The following KHDRBS2 variants were observed in gnomAD, a reference collection of about 807,000 sequenced individuals.
KHDRBS2 encodes KH RNA binding domain containing, signal transduction associated 2, also known as KH domain-containing, RNA-binding, signal transduction-associated protein 2.
A neutral mutation model predicts 44.3 loss-of-function variants in KHDRBS2; 26 were observed. That is an observed-to-expected ratio of 0.59 (90% CI 0.43 to 0.81). The LOEUF is 0.81. KHDRBS2 is among the 40% of genes least tolerant of loss of function. KHDRBS2 has a pLI of 0.00. For synonymous variants in KHDRBS2, 194 were observed against 151.1 expected (o/e 1.28, Z -2.08); for missense variants, 476 against 433.1 (o/e 1.10, Z -0.88).
chr6:61,633,413 CCA>C, the KHDRBS2 span, among the ~76,000 whole-genome samples: 1 of 151,972 alleles, frequency 6.6e-6, no homozygotes, highest in Non-Finnish European at 1.5e-5. Context: ...TTTACAGATG[CCA>C]CATGTTCACA....
At chr6:61,836,727 T>C (rs528860851) in intron 6 of KHDRBS2, among the ~76,000 whole-genome samples, 11 of 151,974 alleles carry the variant, frequency 7.2e-5, no homozygotes, top group African/African-American at 2.7e-4. Flanking sequence ...ACCATGGCTG[T>C]ACTTAGTGTT....
intron 1 of KHDRBS2, among the ~76,000 whole-genome samples, chr6:62,188,295 C>G (rs1823865676): frequency 6.6e-6 from 1 of 152,096 alleles, no homozygotes; most frequent in Non-Finnish European, 1.5e-5. Flanking sequence ...ATCCATTGAG[C>G]AACAATTCCT....
chr6:61,572,892 C>T, the KHDRBS2 span, among the ~76,000 whole-genome samples: 3 of 152,202 alleles, frequency 2.0e-5, no homozygotes, highest in East Asian at 5.8e-4. Context: ...GAAAGCATTC[C>T]CCTTGAAAAC....
chr6:61,827,171 A>G (rs1342503884), intron 6 of KHDRBS2, among the ~76,000 whole-genome samples: 1 of 152,202 alleles, frequency 6.6e-6, no homozygotes. Context: ...AATAAACATC[A>G]TTAGGTCATT....
At chr6:61,701,139 GGGCCTGGATATA>G (rs1459987101) in intron 7 of KHDRBS2, among the ~76,000 whole-genome samples, 1 of 151,884 alleles carries the variant, frequency 6.6e-6, no homozygotes, top group Non-Finnish European at 1.5e-5. Context: ...AGCAGGCTAT[GGGCCTGGATATA>G]CTTTGCTCGA....
At chr6:62,026,941 G>T (rs1783456396) in intron 3 of KHDRBS2, among the ~76,000 whole-genome samples, 1 of 150,982 alleles carries the variant, frequency 6.6e-6, no homozygotes, top group African/African-American at 2.4e-5. Flanking sequence ...TGAATACTTT[G>T]GATGTAGTTT....
At chr6:62,187,616 C>G (rs1349874619) in intron 1 of KHDRBS2, among the ~76,000 whole-genome samples, 1 of 152,086 alleles carries the variant, frequency 6.6e-6, no homozygotes, top group African/African-American at 2.4e-5. Context: ...GACTCCATCA[C>G]TGCAATTAGT....
intron 1 of KHDRBS2, among the ~76,000 whole-genome samples, chr6:62,207,260 A>T (rs1320309825): frequency 2.6e-5 from 4 of 152,120 alleles, no homozygotes; most frequent in African/African-American, 9.6e-5. Context: ...AGAAAATCAC[A>T]TATGTACATA....
chr6:61,740,590 C>T (rs1776000397), intron 6 of KHDRBS2, among the ~76,000 whole-genome samples: 1 of 151,864 alleles, frequency 6.6e-6, no homozygotes, highest in African/African-American at 2.4e-5. Context: ...ATCATAGTTA[C>T]TGTAAAGTCC....
intron 1 of KHDRBS2, among the ~76,000 whole-genome samples, chr6:62,251,948 C>T (rs1387836356): frequency 6.6e-6 from 1 of 151,726 alleles, no homozygotes; most frequent in East Asian, 1.9e-4. Flanking sequence ...TTTAAAAATA[C>T]AATTCCACAA....
At chr6:62,062,309 A>G (rs1185234443) in intron 2 of KHDRBS2, among the ~76,000 whole-genome samples, 1 of 144,462 alleles carries the variant, frequency 6.9e-6, no homozygotes, top group Non-Finnish European at 1.5e-5. Flanking sequence ...TTCCACCCCA[A>G]ATCAACAGAA....
At chr6:62,175,484 T>C (rs1820906254) in intron 2 of KHDRBS2, among the ~76,000 whole-genome samples, 1 of 151,590 alleles carries the variant, frequency 6.6e-6, no homozygotes, top group African/African-American at 2.4e-5. Context: ...TTATAGTAAC[T>C]GCACTAAAGA....
intron 3 of KHDRBS2, among the ~76,000 whole-genome samples, chr6:62,021,903 T>A (rs902547074): frequency 2.1e-5 from 3 of 143,586 alleles, no homozygotes; most frequent in Admixed American, 1.4e-4. Context: ...TAAATATGCT[T>A]TGTGAAAAAA....
At chr6:62,135,670 T>G (rs1351483768) in intron 2 of KHDRBS2, among the ~76,000 whole-genome samples, 1 of 152,002 alleles carries the variant, frequency 6.6e-6, no homozygotes, top group East Asian at 1.9e-4. Context: ...TAGTGACATA[T>G]ATAAATATAT....
At chr6:61,960,789 A>G (rs1265683497) in intron 4 of KHDRBS2, among the ~76,000 whole-genome samples, 1 of 152,278 alleles carries the variant, frequency 6.6e-6, no homozygotes, top group African/African-American at 2.4e-5. Context: ...ACAAATTTTA[A>G]GATTAAAGGC....
chr6:61,800,825 T>G (rs1424582926), intron 6 of KHDRBS2, among the ~76,000 whole-genome samples: 1 of 152,154 alleles, frequency 6.6e-6, no homozygotes, highest in East Asian at 1.9e-4. Context: ...GACAACATCT[T>G]GTTCTTGTCA....
At chr6:62,202,182 T>C (rs1248567691) in intron 1 of KHDRBS2, among the ~76,000 whole-genome samples, 1 of 152,068 alleles carries the variant, frequency 6.6e-6, no homozygotes, top group Non-Finnish European at 1.5e-5. Context: ...TTAAAACACG[T>C]TATACCATTC....
intron 4 of KHDRBS2, among the ~76,000 whole-genome samples, chr6:61,974,809 T>C (rs1772180508): frequency 6.6e-6 from 1 of 151,906 alleles, no homozygotes; most frequent in Non-Finnish European, 1.5e-5. Flanking sequence ...CATGTGCCTG[T>C]AATCTCAGCT....
At chr6:61,602,056 C>A in the KHDRBS2 span, among the ~76,000 whole-genome samples, 458 of 152,236 alleles carry the variant, frequency 3.0e-3, 4 homozygotes, top group African/African-American at 0.011. Context: ...TGCTTTACAG[C>A]CCTAGACCCT....
Sources: allele counts gnomAD v4.1 joint callset (sites outside exome capture counted in the v4.1 genomes callset), GRCh38; gene constraint gnomAD v4.1.1; transcripts MANE v1.5; gene names NCBI Gene and HGNC (gene_info 2026-07-23, HGNC 2026-07-21).